EYA4: variants seen among roughly 807,000 people sequenced by gnomAD.
EYA4 encodes the protein protein phosphatase EYA4.
EYA4 carries 31 observed loss-of-function variants against 87.9 expected under a neutral mutation model. That is an observed-to-expected ratio of 0.35 (90% confidence interval 0.27 to 0.48). The LOEUF is 0.48. EYA4 is among the 20% of genes least tolerant of loss of function. The probability of loss-of-function intolerance (pLI) is 0.99; values close to 1 mark genes in which losing one functional copy is unlikely to be tolerated. For synonymous variants in EYA4, 263 were observed against 270.6 expected (o/e 0.97, Z 0.28); for missense variants, 678 against 761.4 (o/e 0.89, Z 1.29).
In EYA4 at chr6:133,530,337, G is replaced by GT. The variant is rs1800936549; in HGVS notation, c.*1539dup. On this transcript the variant is annotated 3_prime_UTR_variant, in exon 20 of 20. Coordinates refer to ENST00000355286, the MANE Select transcript of EYA4 (RefSeq NM_004100.5). The stretch of plus-strand genomic sequence containing the variant: ...AGCCCATCATCGTTGTGTTTGCATG[G>GT]TTTTTTTCCTTGTGTGTAGCCCATG... 8.1e-6 allele frequency: 8 copies of GT among 985,278 alleles called. No individual in the cohort carries two copies. Among genetic ancestry groups the GT allele is most frequent in the South Asian group, 4.7e-5 (1 of 21,282 alleles). 61.0% of individuals were successfully genotyped at this position (985,278 alleles called of 1,614,324 possible).
intron 2 of EYA4, among the ~76,000 whole-genome samples, chr6:133,360,955 A>C (rs914423569): frequency 6.6e-6 from 1 of 152,242 alleles, no homozygotes. Context: ...GGGAAGACAC[A>C]GAAGCGCTTT....
At chr6:133,434,392 G>T (rs1390272223) in intron 3 of EYA4, among the ~76,000 whole-genome samples, 2 of 152,172 alleles carry the variant, frequency 1.3e-5, no homozygotes, top group Admixed American at 1.3e-4. Context: ...GACAAACCAG[G>T]CTGTTTTATT....
intron 3 of EYA4, among the ~76,000 whole-genome samples, chr6:133,410,339 G>T (rs1789101969): frequency 1.3e-5 from 2 of 151,990 alleles, no homozygotes; most frequent in African/African-American, 4.8e-5. Flanking sequence ...CTTAAATATA[G>T]ATTACTTGCT....
intron 3 of EYA4, among the ~76,000 whole-genome samples, chr6:133,383,466 C>T (rs1214269183): frequency 1.6e-5 from 2 of 121,368 alleles, no homozygotes; most frequent in Non-Finnish European, 3.2e-5. Flanking sequence ...TGCAGTGAGC[C>T]GAGATTGTGC....
intron 3 of EYA4, among the ~76,000 whole-genome samples, chr6:133,394,288 T>TTTTTTTG (rs1787583555): frequency 8.9e-4 from 14 of 15,808 alleles, no homozygotes; most frequent in African/African-American, 1.3e-3. Context: ...GCTTGTGTTT[T>TTTTTTTG]TTTTTTTTTT....
At chr6:133,417,430 GA>G (rs1277681398) in intron 3 of EYA4, among the ~76,000 whole-genome samples, 3 of 152,170 alleles carry the variant, frequency 2.0e-5, no homozygotes, top group Non-Finnish European at 4.4e-5. Context: ...CTGAGACAGT[GA>G]AAGAGGACCT....
At chr6:133,466,815 G>T (rs1365551881) in intron 10 of EYA4, among the ~76,000 whole-genome samples, 2 of 151,848 alleles carry the variant, frequency 1.3e-5, no homozygotes. Context: ...TGCATGAGGG[G>T]GAAGTGGGGA....
Position 133,469,094 on chromosome 6 carries a change from G to A in EYA4, c.970+363G>A, listed in dbSNP as rs139567761. 2.6e-3 allele frequency among the ~76,000 whole-genome samples: 394 copies of A among 152,162 alleles called. 5 individuals carry two copies. Among genetic ancestry groups the A allele is most frequent in the African/African-American group, 8.5e-3 (352 of 41,544 alleles). ...CTGCATAAGCCCTTCACCTTTGTAA[G>A]TTGTCAGTAGCTCTAGCCCGTGAAC... is the stretch of plus-strand genomic sequence containing the variant. On this transcript the variant is annotated intron_variant, in intron 11 of 19. Transcript: ENST00000355286.
intron 2 of EYA4, among the ~76,000 whole-genome samples, chr6:133,366,339 A>T (rs1383012996): frequency 2.6e-5 from 4 of 152,198 alleles, no homozygotes; most frequent in African/African-American, 9.6e-5. Context: ...GAGATTATTT[A>T]TGTAGAGGTA....
intron 2 of EYA4, among the ~76,000 whole-genome samples, chr6:133,284,772 C>CA (rs1233609760): frequency 1.3e-5 from 2 of 152,138 alleles, no homozygotes; most frequent in African/African-American, 4.8e-5. Flanking sequence ...ATATTTGAAG[C>CA]ATGGTTTTCA....
chr6:133,326,162 A>G (rs1781483480), intron 2 of EYA4, among the ~76,000 whole-genome samples: 2 of 152,160 alleles, frequency 1.3e-5, no homozygotes, highest in Admixed American at 6.5e-5. Flanking sequence ...TTCTGGCCAG[A>G]GCAGCCTGGT....
intron 2 of EYA4, among the ~76,000 whole-genome samples, chr6:133,341,221 G>A (rs957368432): frequency 6.6e-5 from 10 of 152,278 alleles, no homozygotes; most frequent in Admixed American, 2.6e-4. Context: ...ATAGTTCACA[G>A]GTTAAAGTAG....
intron 2 of EYA4, among the ~76,000 whole-genome samples, chr6:133,324,725 T>C (rs1270950934): frequency 1.3e-5 from 2 of 152,062 alleles, no homozygotes; most frequent in Non-Finnish European, 2.9e-5. Context: ...AGTAAATGCC[T>C]GTTGAGTGGA....
At chr6:133,383,181 T>G (rs150532) in intron 3 of EYA4, among the ~76,000 whole-genome samples, 125,144 of 152,138 alleles carry the variant, frequency 0.82, 53,510 homozygotes, top group Non-Finnish European at 0.94. Context: ...ATGGGTCTCG[T>G]TTTATTTTGT....
At chr6:133,453,848 G>A (rs990836126) in intron 5 of EYA4, among the ~76,000 whole-genome samples, 28 of 151,872 alleles carry the variant, frequency 1.8e-4, no homozygotes, top group Non-Finnish European at 3.4e-4. Flanking sequence ...ACTTTCCCAG[G>A]GATGGCTTTT....
At chr6:133,373,018 A>G (rs1310522079) in intron 2 of EYA4, among the ~76,000 whole-genome samples, 1 of 152,090 alleles carries the variant, frequency 6.6e-6, no homozygotes, top group Non-Finnish European at 1.5e-5. Context: ...TTGCATATGA[A>G]TTGAACAATT....
intron 3 of EYA4, among the ~76,000 whole-genome samples, chr6:133,391,551 C>T (rs1787297955): frequency 6.6e-6 from 1 of 152,096 alleles, no homozygotes; most frequent in Non-Finnish European, 1.5e-5. Context: ...TTCTCCAGGC[C>T]ACACAACAAG....
At chr6:133,283,550 A>G (rs1777796344) in intron 2 of EYA4, among the ~76,000 whole-genome samples, 1 of 152,182 alleles carries the variant, frequency 6.6e-6, no homozygotes, top group African/African-American at 2.4e-5. Flanking sequence ...AGGCTCTGTC[A>G]TAACCTCAGT....
intron 1 of EYA4, among the ~76,000 whole-genome samples, chr6:133,262,044 C>T (rs530545621): frequency 6.6e-6 from 1 of 152,282 alleles, no homozygotes; most frequent in East Asian, 1.9e-4. Context: ...AACTTACATT[C>T]CCTTTAGCAA....
Sources: gnomAD v4.1 joint callset for allele counts (sites outside exome capture counted in the v4.1 genomes callset) on GRCh38, gnomAD v4.1.1 for gene constraint, MANE v1.5 for transcripts, NCBI Gene and HGNC (gene_info 2026-07-23, HGNC 2026-07-21) for gene names.